CLCA4: variants seen among roughly 807,000 people sequenced by gnomAD.
CLCA4 encodes the protein chloride channel accessory 4, also known as calcium-activated chloride channel regulator 4.
Under a neutral mutation model 78.9 loss-of-function variants are expected in CLCA4, and 69 were observed. The observed-to-expected ratio is 0.87, with a 90% confidence interval of 0.72 to 1.07. The LOEUF (loss-of-function observed/expected upper bound fraction) is 1.07, where lower values mean the gene tolerates loss of function less well. CLCA4 is among the 50% of genes least tolerant of loss of function. CLCA4 has a pLI of 0.00. For missense variants in CLCA4, 1,133 were observed against 1,095.8 expected (o/e 1.03, Z -0.48); for synonymous variants, 362 against 375.8 (o/e 0.96, Z 0.42).
chr1:86,565,074 A>C (rs540522500), intron 4 of CLCA4, among the ~76,000 whole-genome samples, 200 bp from the exon 5 acceptor site: 2 of 152,204 alleles, frequency 1.3e-5, no homozygotes, highest in African/African-American at 4.8e-5. Context: ...CCCCACTTAA[A>C]ATTTCCCTCT....
intron 1 of CLCA4, among the ~76,000 whole-genome samples, chr1:86,556,825 T>A (rs1484102377): frequency 6.6e-6 from 1 of 152,092 alleles, no homozygotes; most frequent in Non-Finnish European, 1.5e-5. Context: ...TGGGCTTTGT[T>A]TGTTTGTTTG....
intron 1 of CLCA4, chr1:86,552,820 CG>C: frequency 1.0e-6 from 1 of 958,634 alleles, no homozygotes; most frequent in Non-Finnish European, 1.7e-6. Context: ...TTCCATGTAG[CG>C]GGGGATTTTA....
rs748394443 is a variant in CLCA4, at chr1:86,565,970, ATCAG to A, written c.908_911del (p.Ser303LysfsTer6). On this transcript the variant is annotated frameshift_variant, in exon 6 of 14. Transcript: ENST00000370563. LOFTEE classifies it high-confidence loss of function. ...TCCACCTGTCTTCTCATTGCTGAAGATCAGTCAAAGAATTGTGTGCTTAGTTCTT... is the reference window on the plus strand; with the variant it reads ...TCCACCTGTCTTCTCATTGCTGAAGATCAAAGAATTGTGTGCTTAGTTCTT... 1.9e-5 allele frequency: 30 copies of A among 1,613,204 alleles called. 1 individual carries two copies. Among genetic ancestry groups the A allele is most frequent in the Non-Finnish European group, 2.4e-5 (28 of 1,179,420 alleles).
chr1:86,571,418 C>A, intron 8 of CLCA4, 164 bp downstream of exon 8: 1 of 543,176 alleles, frequency 1.8e-6, no homozygotes. Context: ...GCTGGAGAGA[C>A]AAATAAAACT....
intron 4 of CLCA4, among the ~76,000 whole-genome samples, chr1:86,564,311 A>G (rs765803714): frequency 1.3e-5 from 2 of 152,148 alleles, no homozygotes; most frequent in African/African-American, 2.4e-5. Context: ...CACCTCATCA[A>G]TGTAGATGTC....
intron 1 of CLCA4, among the ~76,000 whole-genome samples, chr1:86,551,120 C>G (rs1469105794): frequency 1.3e-5 from 2 of 151,974 alleles, no homozygotes; most frequent in African/African-American, 4.8e-5. Context: ...CGTGAGCCAC[C>G]GCACCCAGCC....
chr1:86,561,229 T>G (rs1650008045), intron 3 of CLCA4, among the ~76,000 whole-genome samples: 1 of 152,230 alleles, frequency 6.6e-6, no homozygotes, highest in Non-Finnish European at 1.5e-5. Flanking sequence ...ACGTTTGTTT[T>G]CCTTGGCACC....
rs750217175 is a variant in CLCA4, at chr1:86,565,301, TAG to T, written c.588_589del (p.Arg196SerfsTer3). 30 of 1,602,320 alleles carry T rather than the reference TAG, an allele frequency of 1.9e-5. No homozygotes were observed. The highest frequency in any genetic ancestry group is 2.3e-5 in the South Asian group (2 of 88,564). ...RCSAGISGRN[R>X]VYKCQGGSCL... The stretch of plus-strand genomic sequence containing the variant: ...GTTCCGCAGGTATCTCTGGTAGAAA[TAG>T]AGTTTATAAGTGTCAAGGAGGCAGC... On this transcript the variant is annotated frameshift_variant, in exon 5 of 14. Coordinates refer to ENST00000370563, the MANE Select transcript of CLCA4 (RefSeq NM_012128.4). LOFTEE classifies it high-confidence loss of function.
At chr1:86,578,276 C>T (rs143912844) in intron 12 of CLCA4, among the ~76,000 whole-genome samples, 423 of 152,122 alleles carry the variant, frequency 2.8e-3, no homozygotes, top group Non-Finnish European at 4.9e-3. Flanking sequence ...CACTCAAGCA[C>T]TCAAAAAAGG....
chr1:86,553,144 C>G (rs1054737930), intron 1 of CLCA4: 8 of 895,576 alleles, frequency 8.9e-6, no homozygotes, highest in South Asian at 8.5e-5. Flanking sequence ...TTGGATCTGC[C>G]GGACCACGTG....
intron 1 of CLCA4, chr1:86,552,551 C>A (rs1649697095): frequency 1.9e-6 from 1 of 528,710 alleles, no homozygotes; most frequent in South Asian, 2.3e-5. Flanking sequence ...GGCAGGCGCA[C>A]CCTCTACGGG....
intron 11 of CLCA4, among the ~76,000 whole-genome samples, chr1:86,577,366 G>C (rs1018527306): frequency 2.0e-5 from 3 of 152,114 alleles, no homozygotes; most frequent in Non-Finnish European, 4.4e-5. Flanking sequence ...TCGAGGGTTT[G>C]TAAGAACACA....
chr1:86,547,126 T>C lies in CLCA4; in HGVS notation c.7T>C (p.Leu3=), dbSNP rs1649527084. ...GAATAACTAGAGAGGAACAATGGGGTTATTCAGAGGTTTTGTTTTCCTCTT... is the reference window on the plus strand; with the variant it reads ...GAATAACTAGAGAGGAACAATGGGGCTATTCAGAGGTTTTGTTTTCCTCTT... MG[L]FRGFVFLLVL... is the part of the protein sequence containing the mutation. Residue 3 remains leucine, a synonymous_variant, in exon 1 of 14, where the codon TTA becomes CTA. Transcript: ENST00000370563. 2 of 1,602,716 alleles carry C rather than the reference T, an allele frequency of 1.2e-6. No homozygotes were observed. The highest frequency in any genetic ancestry group is 2.7e-5 in the African/African-American group (2 of 74,310).
At chr1:86,573,276 G>A (rs1044599525) in intron 9 of CLCA4, among the ~76,000 whole-genome samples, 4 of 151,586 alleles carry the variant, frequency 2.6e-5, no homozygotes, top group Non-Finnish European at 5.9e-5. Flanking sequence ...CCTGTCTTCC[G>A]AACTTAACAC....
Position 86,556,646 on chromosome 1 carries a change from C to CT in CLCA4, c.160-3279dup, listed in dbSNP as rs200326125. 3.0e-3 allele frequency among the ~76,000 whole-genome samples: 461 copies of CT among 152,130 alleles called. 1 individual carries two copies. The highest frequency in any genetic ancestry group is 0.011 in the African/African-American group (446 of 41,508). On this transcript the variant is annotated intron_variant, in intron 1 of 13. Coordinates refer to ENST00000370563, the MANE Select transcript of CLCA4 (RefSeq NM_012128.4). ...ATAAAGGATATTGGCCTGAAGTTTT[C>CT]TTTTTTTGTTGGGTCTCTGTCAGGT...
chr1:86,567,993 GAC>G (rs1207131624), intron 7 of CLCA4, among the ~76,000 whole-genome samples: 1 of 152,030 alleles, frequency 6.6e-6, no homozygotes, highest in Non-Finnish European at 1.5e-5. Context: ...TTGGGGAAAT[GAC>G]ACAGGTGATA....
At chr1:86,567,725 C>G (rs988501439) in intron 7 of CLCA4, 74 bp downstream of exon 7, 7 of 1,171,906 alleles carry the variant, frequency 6.0e-6, no homozygotes, top group East Asian at 2.5e-5. Context: ...TGGTACTGCA[C>G]ATGCTTGCTT....
chr1:86,579,247 T>C (rs1174019217), intron 12 of CLCA4, 107 bp from the exon 13 acceptor site: 1 of 806,622 alleles, frequency 1.2e-6, no homozygotes, highest in Non-Finnish European at 2.0e-6. Context: ...AAAATGTGAC[T>C]GTATATATTT....
At chr1:86,549,097 G>T (rs1649584667) in intron 1 of CLCA4, among the ~76,000 whole-genome samples, 1 of 152,168 alleles carries the variant, frequency 6.6e-6, no homozygotes, top group Admixed American at 6.5e-5. Flanking sequence ...TCAGATGGTG[G>T]TAGTAGGTTG....
Sources: gnomAD v4.1 joint callset for allele counts (sites outside exome capture counted in the v4.1 genomes callset) on GRCh38, gnomAD v4.1.1 for gene constraint, MANE v1.5 for transcripts, NCBI Gene and HGNC (gene_info 2026-07-23, HGNC 2026-07-21) for gene names.